The following LRRN3 variants were observed in gnomAD, a reference collection of about 807,000 sequenced individuals.
LRRN3 encodes leucine rich repeat neuronal 3, also known as leucine-rich repeat neuronal protein 3.
A neutral mutation model predicts 40.1 loss-of-function variants in LRRN3; 15 were observed. The ratio of observed to expected loss-of-function variants is 0.37; its 90% CI spans 0.25 to 0.58. LRRN3 has a LOEUF of 0.58. Ranked by LOEUF, LRRN3 falls within the 20% of genes least tolerant of loss-of-function variation. The probability of loss-of-function intolerance (pLI) is 0.72; values close to 1 mark genes in which losing one functional copy is unlikely to be tolerated. For synonymous variants in LRRN3, 308 were observed against 297.2 expected, an observed-to-expected ratio of 1.04 and a Z score of -0.37; for missense variants, 746 against 837.7, an observed-to-expected ratio of 0.89 and a Z score of 1.35.
At chr7:111,103,686 A>G (rs942516623) in intron 2 of LRRN3, among the ~76,000 whole-genome samples, 5 of 151,728 alleles carry the variant, frequency 3.3e-5, no homozygotes, top group Admixed American at 3.3e-4. Flanking sequence ...ACTTCTTAAT[A>G]TGATAGTGAT....
intron 2 of LRRN3, among the ~76,000 whole-genome samples, chr7:111,107,998 T>A (rs1041846673): frequency 1.3e-5 from 2 of 152,174 alleles, no homozygotes; most frequent in African/African-American, 4.8e-5. Flanking sequence ...TTGCATCAAC[T>A]TTTTCTTAAC....
chr7:111,100,009 G>A (rs1797802584), intron 2 of LRRN3, 47 bp downstream of exon 2: 1 of 151,622 alleles, frequency 6.6e-6, no homozygotes. Context: ...ATTCCATGAG[G>A]GAACTGAGGC....
intron 2 of LRRN3, among the ~76,000 whole-genome samples, chr7:111,119,254 C>G (rs1162848033): frequency 6.6e-6 from 1 of 152,144 alleles, no homozygotes; most frequent in Non-Finnish European, 1.5e-5. Flanking sequence ...TCTGGACATA[C>G]AGGGGCAATA....
intron 2 of LRRN3, among the ~76,000 whole-genome samples, chr7:111,116,918 G>A (rs776662639): frequency 3.9e-5 from 6 of 152,090 alleles, no homozygotes; most frequent in South Asian, 4.1e-4. Flanking sequence ...AGCTTTAGAG[G>A]CAAAATGAAG....
Position 111,123,286 on chromosome 7 carries a change from A to T in LRRN3, c.514A>T (p.Asn172Tyr). ...ACATAATCTTCTTCGACTTCATCTC[A>T]ATTCAAATAGATTGCAGATGATCAA... ...GLHNLLRLHL[N>Y]SNRLQMINSK... Residue 172 changes from asparagine to tyrosine, a missense_variant, in exon 3 of 3, where the codon AAT becomes TAT. By Grantham distance (143) the Asn-to-Tyr change is moderately radical. Coordinates refer to ENST00000308478, the MANE Select transcript of LRRN3 (RefSeq NM_001099658.2). The surrounding 1 kb of genome is among the most constrained non-coding windows in gnomAD (Gnocchi z 6.4). 6.2e-7 allele frequency: 1 copy of T among 1,613,782 alleles called. No individual in the cohort carries two copies. Among genetic ancestry groups the T allele is most frequent in the South Asian group, 1.1e-5 (1 of 91,034 alleles).
At chr7:111,121,237 T>C (rs1800575967) in intron 2 of LRRN3, among the ~76,000 whole-genome samples, 3 of 152,310 alleles carry the variant, frequency 2.0e-5, no homozygotes, top group African/African-American at 7.2e-5. Flanking sequence ...TTTGAGTTCA[T>C]TGTAGATTCT....
At chr7:111,113,506 G>T (rs1799487909) in intron 2 of LRRN3, among the ~76,000 whole-genome samples, 1 of 152,006 alleles carries the variant, frequency 6.6e-6, no homozygotes, top group East Asian at 1.9e-4. Flanking sequence ...ATCAACTCAA[G>T]CTGCAATCAC....
rs1316180174 is a variant in LRRN3, at chr7:111,123,693, C to A, written c.921C>A (p.Asn307Lys). The A allele has an allele frequency of 6.2e-7, 1 of 1,613,800 alleles. No individual in the cohort carries two copies. Among genetic ancestry groups the A allele is most frequent in the South Asian group, 1.1e-5 (1 of 91,070 alleles). The stretch of plus-strand genomic sequence containing the variant: ...CCATCGATAGTCTTGCTGTGGATAA[C>A]CTGCCAGATTTAAGAAAAATAGAAG... Reference protein sequence around the residue: ...LISIDSLAVDNLPDLRKIEAT... With the variant: ...LISIDSLAVDKLPDLRKIEAT... Residue 307 changes from asparagine to lysine, a missense_variant, in exon 3 of 3, where the codon AAC (asparagine) becomes AAA (lysine). By Grantham distance (94) the Asn-to-Lys change is moderately conservative. Coordinates refer to ENST00000308478, the MANE Select transcript of LRRN3 (RefSeq NM_001099658.2). The surrounding 1 kb of genome is among the most constrained non-coding windows in gnomAD (Gnocchi z 6.4).
chr7:111,105,900 A>T (rs544380777), intron 2 of LRRN3, among the ~76,000 whole-genome samples: 42 of 151,882 alleles, frequency 2.8e-4, no homozygotes, highest in Admixed American at 2.8e-3. Context: ...AACTCCACTG[A>T]TGTATGTATC....
chr7:111,112,648 C>T (rs751181997), intron 2 of LRRN3, among the ~76,000 whole-genome samples: 1 of 152,102 alleles, frequency 6.6e-6, no homozygotes, highest in Non-Finnish European at 1.5e-5. Flanking sequence ...TTGTTTAAAG[C>T]AGATTGTCAG....
Position 111,124,715 on chromosome 7 carries a change from G to C in LRRN3, c.1943G>C (p.Cys648Ser). 1 of 1,613,902 alleles carries C rather than the reference G, an allele frequency of 6.2e-7. No homozygotes were observed. The highest frequency in any genetic ancestry group is 8.5e-7 in the Non-Finnish European group (1 of 1,179,968). ...GIIGVICLIS[C>S]LSPEMNCDGG... ...ATTGGTGTGATATGTCTTATCAGCT[G>C]CCTCTCTCCAGAAATGAACTGTGAT... The change falls in exon 3 of 3, where the codon TGC becomes TCC. Residue 648 changes from cysteine (C) to serine (S), a missense_variant. Transcript: ENST00000308478.
intron 2 of LRRN3, among the ~76,000 whole-genome samples, chr7:111,109,058 T>TATA (rs994382462): frequency 6.6e-6 from 1 of 152,190 alleles, no homozygotes; most frequent in African/African-American, 2.4e-5. Context: ...TTAAATGATC[T>TATA]ATAAAGAAAA....
In LRRN3 at chr7:111,096,592, T is replaced by A. The variant is rs552873371; in HGVS notation, c.-440-3289T>A. The stretch of plus-strand genomic sequence containing the variant: ...GTATGTTGTTCTACCTACTCATCCA[T>A]ATGTTTGTCTGACAGCATTAGCACT... On this transcript the variant is annotated intron_variant, in intron 1 of 2. Transcript: ENST00000308478. Among the ~76,000 whole-genome samples, 2 of 151,284 alleles carry A rather than the reference T, an allele frequency of 1.3e-5. 1 individual carries two copies. The highest frequency in any genetic ancestry group is 4.1e-4 in the South Asian group (2 of 4,820).
intron 2 of LRRN3, among the ~76,000 whole-genome samples, chr7:111,108,286 T>C (rs771584228): frequency 1.3e-5 from 2 of 152,224 alleles, no homozygotes; most frequent in Non-Finnish European, 2.9e-5. Flanking sequence ...TGTTTATTAT[T>C]GCTCTTTTTG....
At chr7:111,091,956 A>T (rs536376654) in intron 1 of LRRN3, among the ~76,000 whole-genome samples, 2 of 152,306 alleles carry the variant, frequency 1.3e-5, no homozygotes, top group East Asian at 3.9e-4. Context: ...AGTGAAAAGC[A>T]GATCACACAT....
At position 111,122,482 on chromosome 7, in the gene LRRN3, G is replaced by T; in HGVS notation, c.-291G>T. On this transcript the variant is annotated 5_prime_UTR_variant, in exon 3 of 3. An upstream start codon of the reference 5' UTR is lost. Coordinates refer to ENST00000308478, the MANE Select transcript of LRRN3 (RefSeq NM_001099658.2). ...TTAAATATTTTACTTCTAAATAAAT[G>T]AATTACTCAATCTCCTATGACCATC... 1 of 276,436 alleles carries T rather than the reference G, an allele frequency of 3.6e-6. No individual in the cohort carries two copies. The highest frequency in any genetic ancestry group is 6.7e-6 in the Non-Finnish European group (1 of 148,634). 17.1% of individuals were successfully genotyped at this position (276,436 alleles called of 1,614,324 possible).
intron 2 of LRRN3, among the ~76,000 whole-genome samples, chr7:111,114,620 C>A (rs372811711): frequency 6.6e-6 from 1 of 151,482 alleles, no homozygotes; most frequent in Non-Finnish European, 1.5e-5. Context: ...CCTGTAATCC[C>A]AGCCACTTGG....
intron 2 of LRRN3, among the ~76,000 whole-genome samples, chr7:111,100,873 G>T (rs1797898116): frequency 6.6e-6 from 1 of 151,546 alleles, no homozygotes; most frequent in African/African-American, 2.4e-5. Context: ...TGAACAAGTA[G>T]AACAATGTTT....
intron 2 of LRRN3, among the ~76,000 whole-genome samples, chr7:111,121,419 G>C (rs1800597517): frequency 6.6e-6 from 1 of 152,070 alleles, no homozygotes; most frequent in Non-Finnish European, 1.5e-5. Flanking sequence ...TTTTAGACAT[G>C]GATATGAACA....
Sources: gnomAD v4.1 joint callset for allele counts (sites outside exome capture counted in the v4.1 genomes callset) on GRCh38, gnomAD v4.1.1 for gene constraint, Gnocchi (gnomAD v3.1) non-coding constraint, MANE v1.5 for transcripts, NCBI Gene and HGNC (gene_info 2026-07-23, HGNC 2026-07-21) for gene names.